Variants in ADAMTSL3 observed in about 807,000 individuals in gnomAD.
ADAMTSL3 encodes the protein ADAMTS like 3, also known as ADAMTS-like protein 3.
ADAMTSL3 carries 128 observed loss-of-function variants against 201.7 expected under a neutral mutation model. The ratio of observed to expected loss-of-function variants is 0.63; its 90% CI spans 0.55 to 0.73. ADAMTSL3 has a LOEUF of 0.73. ADAMTSL3 is among the 30% of genes least tolerant of loss of function. The pLI is 0.00. For synonymous variants in ADAMTSL3, 738 were observed against 748.4 expected, an observed-to-expected ratio of 0.99 and a Z score of 0.23; for missense variants, 1,990 against 2,119.6, an observed-to-expected ratio of 0.94 and a Z score of 1.20.
intron 4 of ADAMTSL3, among the ~76,000 whole-genome samples, chr15:83,784,803 T>C (rs1488544381): frequency 2.0e-5 from 3 of 152,136 alleles, no homozygotes; most frequent in Non-Finnish European, 2.9e-5. Flanking sequence ...GGCTTTTTTT[T>C]CTTTATTCCC....
At position 83,966,332 on chromosome 15, in the gene ADAMTSL3, T is replaced by TA. The variant is rs1278348625; in HGVS notation, c.2491-4146dup. 2.4e-4 allele frequency among the ~76,000 whole-genome samples: 36 copies of TA among 151,996 alleles called. No homozygotes were observed. In the East Asian group the frequency reaches 5.0e-3, roughly 21 times the overall value. ...AGAGGACACAATCAAATAGACACAATAAAAAATGATAAAATCACCATTGAT... is the reference window on the plus strand; with the variant it reads ...AGAGGACACAATCAAATAGACACAATAAAAAAATGATAAAATCACCATTGAT... On this transcript the variant is annotated intron_variant, in intron 19 of 29. Coordinates refer to ENST00000286744, the MANE Select transcript of ADAMTSL3 (RefSeq NM_207517.3).
intron 3 of ADAMTSL3, among the ~76,000 whole-genome samples, chr15:83,763,013 A>T (rs1329795619): frequency 2.6e-5 from 4 of 151,936 alleles, no homozygotes; most frequent in African/African-American, 9.7e-5. Context: ...CAGCCTCCTG[A>T]GTAACTGGGA....
At chr15:83,936,424 G>A (rs969733996) in intron 17 of ADAMTSL3, among the ~76,000 whole-genome samples, 2 of 150,990 alleles carry the variant, frequency 1.3e-5, no homozygotes. Context: ...AGGAAAAACA[G>A]AATTCTTAAC....
At chr15:83,871,004 A>G (rs1340376819) in intron 9 of ADAMTSL3, 45 bp downstream of exon 9, 7 of 1,590,272 alleles carry the variant, frequency 4.4e-6, no homozygotes, top group African/African-American at 2.7e-5. Flanking sequence ...GAATCCCAGA[A>G]CATCTTGATT....
At chr15:83,908,766 G>A (rs1169436954) in intron 15 of ADAMTSL3, among the ~76,000 whole-genome samples, 1 of 152,184 alleles carries the variant, frequency 6.6e-6, no homozygotes, top group Non-Finnish European at 1.5e-5. Flanking sequence ...CACAAACTTA[G>A]CGGTGTAAAA....
At chr15:83,800,925 A>G (rs1488765824) in intron 4 of ADAMTSL3, among the ~76,000 whole-genome samples, 1 of 152,164 alleles carries the variant, frequency 6.6e-6, no homozygotes, top group Non-Finnish European at 1.5e-5. Flanking sequence ...AAAAAGCAAA[A>G]TGAAGTAGGC....
chr15:83,781,551 T>G (rs549071589), intron 4 of ADAMTSL3, among the ~76,000 whole-genome samples: 2 of 152,254 alleles, frequency 1.3e-5, no homozygotes, highest in South Asian at 4.2e-4. Flanking sequence ...GGGCAAAGAT[T>G]ACATGAGGAA....
At chr15:83,898,616 G>A (rs1353336154) in intron 14 of ADAMTSL3, among the ~76,000 whole-genome samples, 4 of 152,160 alleles carry the variant, frequency 2.6e-5, no homozygotes, top group African/African-American at 4.8e-5. Flanking sequence ...GAGCAGAAAT[G>A]GGTAGCATCC....
chr15:83,791,070 C>T (rs958533502), intron 4 of ADAMTSL3, among the ~76,000 whole-genome samples: 16 of 151,884 alleles, frequency 1.1e-4, no homozygotes, highest in African/African-American at 3.4e-4. Flanking sequence ...TGTAAAACAC[C>T]GATGAAAGAA....
chr15:83,741,551 G>A (rs2062455696), intron 3 of ADAMTSL3, among the ~76,000 whole-genome samples: 2 of 151,840 alleles, frequency 1.3e-5, no homozygotes, highest in African/African-American at 4.8e-5. Context: ...GGAAAGACAT[G>A]TGAAATTATA....
intron 13 of ADAMTSL3, among the ~76,000 whole-genome samples, chr15:83,894,116 C>T (rs1377365871): frequency 1.3e-5 from 2 of 152,080 alleles, no homozygotes; most frequent in African/African-American, 4.8e-5. Flanking sequence ...CCCAGTACTT[C>T]AGAGGCACAA....
Position 83,990,944 on chromosome 15 carries a change from C to T in ADAMTSL3, c.3845-142C>T, listed in dbSNP as rs190352447. ...CCAGGTATGTATGTGCACATCCCCA[C>T]GGTGCACCTTGAGGGATACAGAGAG... On this transcript the variant is annotated intron_variant, in intron 22 of 29. Coordinates refer to ENST00000286744, the MANE Select transcript of ADAMTSL3 (RefSeq NM_207517.3). The T allele has an allele frequency of 3.3e-4, 385 of 1,164,704 alleles. 1 individual carries two copies. The highest frequency in any genetic ancestry group is 5.0e-5 in the Non-Finnish European group (41 of 819,430). 72.1% of individuals were successfully genotyped at this position (1,164,704 alleles called of 1,614,324 possible). A position where few individuals can be genotyped will look rare whatever the true frequency, so the allele number is the denominator to read the frequency against.
intron 16 of ADAMTSL3, among the ~76,000 whole-genome samples, chr15:83,920,024 T>G (rs2066107333): frequency 6.6e-6 from 1 of 152,222 alleles, no homozygotes; most frequent in African/African-American, 2.4e-5. Context: ...TGAGGTAATT[T>G]TATTATATAC....
Position 83,667,784 on chromosome 15 carries a change from T to C in ADAMTSL3, c.69+11954T>C, listed in dbSNP as rs111481672. On this transcript the variant is annotated intron_variant, in intron 2 of 29. Transcript: ENST00000286744. ...AAGGGAACCCTTATTGACCAAAAATTGGATTGTCCATTTGTACAAAACAGC... is the reference window on the plus strand; with the variant it reads ...AAGGGAACCCTTATTGACCAAAAATCGGATTGTCCATTTGTACAAAACAGC... Among the ~76,000 whole-genome samples the C allele has an allele frequency of 6.1e-3, 925 of 151,916 alleles. 5 individuals are homozygous for C. The highest frequency in any genetic ancestry group is 0.021 in the African/African-American group (857 of 41,412).
chr15:83,999,914 C>T (rs2067760700), intron 23 of ADAMTSL3, among the ~76,000 whole-genome samples: 1 of 152,050 alleles, frequency 6.6e-6, no homozygotes, highest in African/African-American at 2.4e-5. Flanking sequence ...ATTTGTGGTG[C>T]AGCAGGATTA....
chr15:83,846,389 C>T (rs1353011936), intron 7 of ADAMTSL3, among the ~76,000 whole-genome samples: 4 of 152,232 alleles, frequency 2.6e-5, no homozygotes, highest in Admixed American at 6.5e-5. Flanking sequence ...GTTCTGACCT[C>T]AGAGTTCATG....
At chr15:83,744,752 C>A (rs1015298486) in intron 3 of ADAMTSL3, among the ~76,000 whole-genome samples, 2 of 152,174 alleles carry the variant, frequency 1.3e-5, no homozygotes, top group African/African-American at 4.8e-5. Flanking sequence ...TACTACCCTC[C>A]CCACAAATGA....
chr15:84,021,715 C>T (rs1342115962), intron 26 of ADAMTSL3, 122 bp downstream of exon 26: 3 of 1,042,556 alleles, frequency 2.9e-6, no homozygotes, highest in African/African-American at 1.6e-5. Context: ...GTATACTAGG[C>T]ATCCTGCTAA....
chr15:83,810,214 T>C (rs746254744), intron 5 of ADAMTSL3, among the ~76,000 whole-genome samples: 1 of 152,244 alleles, frequency 6.6e-6, no homozygotes, highest in Non-Finnish European at 1.5e-5. Flanking sequence ...ACGATGCAAA[T>C]GCTTCACATC....
Sources: gnomAD v4.1 joint callset for allele counts (sites outside exome capture counted in the v4.1 genomes callset) on GRCh38, gnomAD v4.1.1 for gene constraint, MANE v1.5 for transcripts, NCBI Gene and HGNC (gene_info 2026-07-23, HGNC 2026-07-21) for gene names.